Variants in POM121 observed in about 807,000 individuals in gnomAD.
The protein encoded by POM121 is POM121 transmembrane nucleoporin, also known as nuclear envelope pore membrane protein POM 121.
Under a neutral mutation model 81.3 loss-of-function variants are expected in POM121, and 32 were observed. That is an observed-to-expected ratio of 0.39 (90% CI 0.30 to 0.53). The LOEUF (loss-of-function observed/expected upper bound fraction) is 0.53, where lower values mean the gene tolerates loss of function less well. POM121 is among the 20% of genes least tolerant of loss of function. The pLI is 0.66. For synonymous variants in POM121, 514 were observed against 694.2 expected, an observed-to-expected ratio of 0.74 and a Z score of 4.08; for missense variants, 1,138 against 1,614.6, an observed-to-expected ratio of 0.70 and a Z score of 5.06.
At chr7:72,922,298 T>G (rs1241816241), upstream of POM121, among the ~76,000 whole-genome samples, 1 of 152,240 alleles carries the variant, frequency 6.6e-6, no homozygotes, top group African/African-American at 2.4e-5. Flanking sequence ...TTCTACTTAC[T>G]AATCCCCTTT....
At chr7:72,884,027 TC>T (rs1159884272) in intron 1 of POM121, among the ~76,000 whole-genome samples, 1 of 152,244 alleles carries the variant, frequency 6.6e-6, no homozygotes, top group Non-Finnish European at 1.5e-5. Flanking sequence ...CACTTCAGCC[TC>T]CCAAGTAGCT....
chr7:72,888,198 T>C (rs1184026363), intron 1 of POM121, among the ~76,000 whole-genome samples: 1 of 152,136 alleles, frequency 6.6e-6, no homozygotes, highest in Admixed American at 6.5e-5. Flanking sequence ...AATTTTTTTT[T>C]CCCTGAGCTG....
Position 72,946,558 on chromosome 7 carries a change from C to T in POM121, c.*324C>T, listed in dbSNP as rs1248706126. On this transcript the variant is annotated 3_prime_UTR_variant, in exon 13 of 13. Transcript: ENST00000434423. Reference sequence around the variant, plus strand: ...CCCGCTTAGCACACCCTTAGGCAGGCGCCCCTTCCACCTTTCCCCGAGACC... The same window carrying T: ...CCCGCTTAGCACACCCTTAGGCAGGTGCCCCTTCCACCTTTCCCCGAGACC... 3 of 1,074,878 alleles carry T rather than the reference C, an allele frequency of 2.8e-6. No individual in the cohort carries two copies. Among genetic ancestry groups the T allele is most frequent in the African/African-American group, 1.7e-5 (1 of 59,734 alleles). The allele number at this position is 1,074,878 out of a possible 1,614,324, so 66.6% of individuals were successfully genotyped here. A position where few individuals can be genotyped will look rare whatever the true frequency, so the allele number is the denominator to read the frequency against.
chr7:72,945,824 A>G, intron 12 of POM121, 116 bp downstream of exon 12: 1 of 1,467,866 alleles, frequency 6.8e-7, no homozygotes, highest in South Asian at 1.4e-5. Context: ...CAGGAAAGAC[A>G]TTTCGGGTTA....
At chr7:72,929,669 T>C (rs1356746598) in intron 4 of POM121, among the ~76,000 whole-genome samples, 2 of 152,210 alleles carry the variant, frequency 1.3e-5, no homozygotes, top group African/African-American at 2.4e-5. Flanking sequence ...TCCACCCCTG[T>C]TCCCAGGCAT....
chr7:72,920,798 C>T (rs1794752032), upstream of POM121, among the ~76,000 whole-genome samples: 1 of 152,166 alleles, frequency 6.6e-6, no homozygotes, highest in South Asian at 2.1e-4. Context: ...GATTCTTTCC[C>T]ATTCCTGCGG....
chr7:72,942,223 A>G lies in POM121; in HGVS notation c.2230A>G (p.Thr744Ala), dbSNP rs1217505239. 3 of 1,609,390 alleles carry G rather than the reference A, an allele frequency of 1.9e-6. No individual in the cohort carries two copies. The highest frequency in any genetic ancestry group is 2.5e-6 in the Non-Finnish European group (3 of 1,179,826). Residue 744 changes from threonine to alanine, a missense_variant, in exon 11 of 13, where the codon ACA becomes GCA. Physicochemically the swap from Thr to Ala is moderately conservative, Grantham distance 58. Around this residue, in one of 7 missense-constraint regions of POM121, gnomAD observed 37 missense variants for 62.8 expected, o/e 0.59. Transcript: ENST00000434423. ...APPKSEKEGP[T>A]PPGPSVTATA... The stretch of plus-strand genomic sequence containing the variant: ...ACCCAAGAGTGAGAAGGAAGGCCCC[A>G]CACCGCCTGGCCCTTCAGTCACAGC...
chr7:72,950,208 G>T, downstream of POM121: 1 of 1,608,636 alleles, frequency 6.2e-7, no homozygotes, highest in South Asian at 1.1e-5. Context: ...TGCCAGGGAA[G>T]AACCATTCAT....
chr7:72,936,681 G>A (rs1796542912), intron 5 of POM121, among the ~76,000 whole-genome samples: 2 of 152,198 alleles, frequency 1.3e-5, no homozygotes, highest in African/African-American at 4.8e-5. Context: ...TGAAGTGCTA[G>A]GATTACAGGT....
chr7:72,926,703 G>T, intron 2 of POM121, 99 bp from the exon 3 acceptor site: 1 of 1,519,958 alleles, frequency 6.6e-7, no homozygotes, highest in South Asian at 1.3e-5. Flanking sequence ...ATTATACTTT[G>T]GCCTGTTGGT....
Position 72,942,986 on chromosome 7 carries a change from G to A in POM121, c.2993G>A (p.Gly998Glu), listed in dbSNP as rs782613970. The change falls in exon 11 of 13, where the codon GGA (glycine) becomes GAA (glutamate). Residue 998 changes from glycine to glutamate, a missense_variant. Around this residue, in one of 7 missense-constraint regions of POM121, gnomAD observed 45 missense variants for 75.7 expected, o/e 0.59. Coordinates refer to ENST00000434423, the MANE Select transcript of POM121 (RefSeq NM_001387691.1). ...AGCTTTGGCAGCTCTTTCACTTTTG[G>A]AAACTCTGCAGCCCCGGCTGCTGCA... ...APSFGSSFTFGNSAAPAAAPT... is the reference protein window; with the variant it reads ...APSFGSSFTFENSAAPAAAPT... The A allele has an allele frequency of 1.5e-5, 24 of 1,610,190 alleles. No homozygotes were observed. Among genetic ancestry groups the A allele is most frequent in the Admixed American group, 1.0e-4 (6 of 58,338 alleles).
intron 3 of POM121, among the ~76,000 whole-genome samples, chr7:72,900,182 C>T (rs1282108548): frequency 1.6e-4 from 24 of 152,196 alleles, no homozygotes; most frequent in Admixed American, 1.4e-3. Flanking sequence ...CCTGCTCTGT[C>T]ATTGACTGTC....
chr7:72,915,259 C>T (rs1794186811), intron 4 of POM121, among the ~76,000 whole-genome samples: 1 of 152,168 alleles, frequency 6.6e-6, no homozygotes, highest in Non-Finnish European at 1.5e-5. Flanking sequence ...AAAGATCATT[C>T]TAGCATTGGG....
chr7:72,899,689 C>T (rs1792388881), intron 3 of POM121, among the ~76,000 whole-genome samples: 1 of 151,726 alleles, frequency 6.6e-6, no homozygotes, highest in African/African-American at 2.4e-5. Context: ...CACCATTCTC[C>T]TGCCTCAGCC....
intron 3 of POM121, among the ~76,000 whole-genome samples, chr7:72,893,778 G>A (rs555726831): frequency 6.6e-6 from 1 of 152,068 alleles, no homozygotes; most frequent in Non-Finnish European, 1.5e-5. Context: ...TGGTGCTTTC[G>A]CCATCTTCAT....
Position 72,925,154 on chromosome 7 carries a change from C to T in POM121, c.33C>T (p.Gly11=). MSPAAAAAGA[G]ERRRPIASVR... Reference sequence around the variant, plus strand: ...CGGCGGCTGCGGCGGCTGGAGCAGGCGAGCGGCGGCGGCCCATAGCGAGTG... The same window carrying T: ...CGGCGGCTGCGGCGGCTGGAGCAGGTGAGCGGCGGCGGCCCATAGCGAGTG... Residue 11 remains glycine (G), a synonymous_variant, in exon 1 of 13, where the codon GGC becomes GGT. Transcript: ENST00000434423. 2 of 1,472,284 alleles carry T rather than the reference C, an allele frequency of 1.4e-6. No homozygotes were observed. The highest frequency in any genetic ancestry group is 8.9e-7 in the Non-Finnish European group (1 of 1,120,692). 91.2% of individuals were successfully genotyped at this position (1,472,284 alleles called of 1,614,324 possible).
intron 5 of POM121, among the ~76,000 whole-genome samples, chr7:72,937,510 G>A (rs1437200386): frequency 1.8e-4 from 28 of 151,862 alleles, no homozygotes; most frequent in Non-Finnish European, 3.1e-4. Context: ...TCCTGGGCCC[G>A]GCTTCCTGAT....
Position 72,905,760 on chromosome 7 carries a change from G to A in POM121, c.-215-8005G>A, listed in dbSNP as rs532069672. ...AAATCTTGCTGAATCTTCTATGGGC[G>A]AAGAATGTGTACCCTGCTATTGCTG... On this transcript the variant is annotated intron_variant, in intron 3 of 15. Transcript: ENST00000395270. Among the ~76,000 whole-genome samples, 101 of 152,312 alleles carry A rather than the reference G, an allele frequency of 6.6e-4. 1 individual carries two copies. Among genetic ancestry groups the A allele is most frequent in the African/African-American group, 2.3e-3 (97 of 41,576 alleles).
chr7:72,923,946 A>AT (rs201839069), upstream of POM121, among the ~76,000 whole-genome samples: 4,486 of 120,446 alleles, frequency 0.037, 82 homozygotes, highest in Non-Finnish European at 0.044. Flanking sequence ...CTGAATTGCA[A>AT]TTTTTTTTTC....
Sources: allele counts gnomAD v4.1 joint callset (sites outside exome capture counted in the v4.1 genomes callset), GRCh38; gene constraint gnomAD v4.1.1; regional missense constraint gnomAD v4.1.1; transcripts MANE v1.5; gene names NCBI Gene and HGNC (gene_info 2026-07-23, HGNC 2026-07-21).